Variants in CACHD1 observed in about 807,000 individuals in gnomAD.
CACHD1 encodes the protein VWFA and cache domain-containing protein 1.
Under a neutral mutation model 138.7 loss-of-function variants are expected in CACHD1, and 71 were observed. The observed-to-expected ratio is 0.51, with a 90% confidence interval of 0.42 to 0.62. The LOEUF (loss-of-function observed/expected upper bound fraction) is 0.62. Among genes scored for constraint, CACHD1 ranks in the 20% least tolerant of loss-of-function variants. CACHD1 has a pLI of 0.00. For synonymous variants in CACHD1, 578 were observed against 591.5 expected (o/e 0.98, Z 0.33); for missense variants, 1,389 against 1,625.3 (o/e 0.85, Z 2.50).
At chr1:64,668,569 A>C (rs1051526707) in intron 16 of CACHD1, among the ~76,000 whole-genome samples, 1 of 152,128 alleles carries the variant, frequency 6.6e-6, no homozygotes, top group Non-Finnish European at 1.5e-5. Flanking sequence ...TTACTTTTAC[A>C]TCATGGGTTG....
chr1:64,498,715 G>A (rs1381440276), intron 1 of CACHD1, among the ~76,000 whole-genome samples: 1 of 152,182 alleles, frequency 6.6e-6, no homozygotes, highest in Non-Finnish European at 1.5e-5. Flanking sequence ...AATACTTCTT[G>A]ATATTCTGAT....
chr1:64,641,737 G>A (rs1648720712), intron 7 of CACHD1, 83 bp from the exon 8 acceptor site: 2 of 1,103,998 alleles, frequency 1.8e-6, no homozygotes, highest in Non-Finnish European at 2.5e-6. Flanking sequence ...AGGTGGGGAA[G>A]TCCAAGGACA....
At chr1:64,523,929 CTTTA>C (rs10595414) in intron 1 of CACHD1, among the ~76,000 whole-genome samples, 86,335 of 151,372 alleles carry the variant, frequency 0.57, 29,007 homozygotes, top group East Asian at 0.76. Flanking sequence ...GTAGATGAGT[CTTTA>C]TTTATCCAAG....
At chr1:64,617,568 C>G (rs1483326470) in intron 4 of CACHD1, among the ~76,000 whole-genome samples, 1 of 152,134 alleles carries the variant, frequency 6.6e-6, no homozygotes, top group South Asian at 2.1e-4. Context: ...GCTCCTTAGT[C>G]TTAGACTAAA....
intron 2 of CACHD1, among the ~76,000 whole-genome samples, chr1:64,558,854 C>T (rs1390265834): frequency 6.6e-6 from 1 of 152,110 alleles, no homozygotes; most frequent in East Asian, 1.9e-4. Context: ...AGACACTTCT[C>T]AAAAGAAGAC....
intron 2 of CACHD1, among the ~76,000 whole-genome samples, chr1:64,574,140 T>A (rs1646947761): frequency 6.6e-6 from 1 of 152,142 alleles, no homozygotes; most frequent in African/African-American, 2.4e-5. Flanking sequence ...TTTTCTTCAA[T>A]TTGAGGGAGC....
intron 1 of CACHD1, among the ~76,000 whole-genome samples, chr1:64,494,278 A>G (rs571653406): frequency 1.9e-4 from 29 of 152,308 alleles, no homozygotes; most frequent in African/African-American, 7.0e-4. Flanking sequence ...AGGGGCTTGT[A>G]AAGTGGGACT....
chr1:64,677,767 AG>A (rs1162325033), intron 22 of CACHD1, among the ~76,000 whole-genome samples: 3 of 152,176 alleles, frequency 2.0e-5, no homozygotes, highest in Non-Finnish European at 4.4e-5. Flanking sequence ...TGACTGGCCA[AG>A]TATTTCCAAA....
At chr1:64,671,756 G>T in intron 17 of CACHD1, 70 bp downstream of exon 17, 1 of 1,573,520 alleles carries the variant, frequency 6.4e-7, no homozygotes, top group South Asian at 1.1e-5. Context: ...ATCTCTAGTT[G>T]AATGGGAACC....
chr1:64,687,074 A>G (rs1195903490), intron 26 of CACHD1, among the ~76,000 whole-genome samples: 1 of 152,200 alleles, frequency 6.6e-6, no homozygotes, highest in Non-Finnish European at 1.5e-5. Context: ...CCTCCTTTCT[A>G]AAGCCCATTT....
chr1:64,666,071 T>A lies in CACHD1; in HGVS notation c.2291T>A (p.Val764Glu), dbSNP rs1246412628. The A allele has an allele frequency of 6.2e-7, 1 of 1,601,854 alleles. No individual in the cohort carries two copies. The highest frequency in any genetic ancestry group is 1.3e-5 in the African/African-American group (1 of 74,548). ...GTCTCCATTAGGTATCTCCATGCAG[T>A]AGCTAATCCAGGGTTGATTTCTTTG... ...PTRRQWYLHA[V>E]ANPGLISLTG... is the part of the protein sequence containing the mutation. The change falls in exon 16 of 27, where the codon GTA becomes GAA. Residue 764 changes from valine (V) to glutamate (E), a missense_variant. Val to Glu is a moderately radical substitution (Grantham distance 121). This residue lies in a region of CACHD1 where 1,000 missense variants were observed against 1,114.7 expected (regional missense o/e 0.90). Coordinates refer to ENST00000651257, the MANE Select transcript of CACHD1 (RefSeq NM_020925.4).
chr1:64,492,923 G>A (rs1646286636), intron 1 of CACHD1, among the ~76,000 whole-genome samples: 1 of 152,194 alleles, frequency 6.6e-6, no homozygotes, highest in South Asian at 2.1e-4. Flanking sequence ...CTTAGCAGTA[G>A]AGACTACATC....
rs200872837 is a variant in CACHD1 at position 64,543,710 on chromosome 1, CT to C, written c.199-6883del. Among the ~76,000 whole-genome samples, 4 of 151,976 alleles carry C rather than the reference CT, an allele frequency of 2.6e-5. No individual in the cohort carries two copies. In the East Asian group the frequency reaches 7.7e-4, roughly 29 times the overall value. On this transcript the variant is annotated intron_variant, in intron 1 of 26. Transcript: ENST00000651257. ...GTTTAATAGTATGAGGTTAAATAGT[CT>C]GGTAAAAATCAGATGAGGTCTAATC...
chr1:64,506,207 TTCATTGAAC>T (rs1646375461), intron 1 of CACHD1: 2 of 152,290 alleles, frequency 1.3e-5, no homozygotes, highest in East Asian at 3.9e-4. Context: ...CTGCCACACA[TTCATTGAAC>T]TTTTAATAAG....
intron 1 of CACHD1, among the ~76,000 whole-genome samples, chr1:64,502,595 G>A (rs1414647129): frequency 7.0e-6 from 1 of 142,628 alleles, no homozygotes; most frequent in East Asian, 1.9e-4. Flanking sequence ...TCAGATAATA[G>A]GTACAGCATA....
chr1:64,583,917 G>A (rs1647031312), intron 3 of CACHD1, among the ~76,000 whole-genome samples: 1 of 152,122 alleles, frequency 6.6e-6, no homozygotes, highest in African/African-American at 2.4e-5. Context: ...GGGGATTATG[G>A]GAGCTACAAT....
intron 1 of CACHD1, among the ~76,000 whole-genome samples, chr1:64,491,446 C>T (rs1646274228): frequency 6.6e-6 from 1 of 151,996 alleles, no homozygotes; most frequent in Non-Finnish European, 1.5e-5. Context: ...CAAGGCATGC[C>T]TTATACATGG....
At chr1:64,681,131 C>A (rs12118478) in intron 24 of CACHD1, 127 bp from the exon 25 acceptor site, 4 of 625,718 alleles carry the variant, frequency 6.4e-6, no homozygotes, top group Non-Finnish European at 5.7e-6. Flanking sequence ...TCATTCCCTT[C>A]TAAGATGGGA....
chr1:64,516,625 G>A (rs1191663249), intron 1 of CACHD1, among the ~76,000 whole-genome samples: 2 of 152,196 alleles, frequency 1.3e-5, no homozygotes, highest in Non-Finnish European at 2.9e-5. Flanking sequence ...AGTCTTGCAC[G>A]ATAGGCATCA....
Sources: allele counts gnomAD v4.1 joint callset (sites outside exome capture counted in the v4.1 genomes callset), GRCh38; gene constraint gnomAD v4.1.1; regional missense constraint gnomAD v4.1.1; transcripts MANE v1.5; gene names NCBI Gene and HGNC (gene_info 2026-07-23, HGNC 2026-07-21).